Variants in ATRNL1 observed in about 807,000 individuals in gnomAD.
The protein encoded by ATRNL1 is attractin like 1.
Under a neutral mutation model 182.7 loss-of-function variants are expected in ATRNL1, and 95 were observed. That is an observed-to-expected ratio of 0.52 (90% CI 0.44 to 0.62). The LOEUF (loss-of-function observed/expected upper bound fraction) is 0.62, where lower values mean the gene tolerates loss of function less well. Among genes scored for constraint, ATRNL1 ranks in the 20% least tolerant of loss-of-function variants. The probability of loss-of-function intolerance (pLI) is 0.00; values close to 1 mark genes in which losing one functional copy is unlikely to be tolerated. For synonymous variants in ATRNL1, 576 were observed against 568.3 expected, an observed-to-expected ratio of 1.01 and a Z score of -0.19; for missense variants, 1,471 against 1,679.5, an observed-to-expected ratio of 0.88 and a Z score of 2.17.
chr10:115,933,649 C>T (rs1173037430), intron 28 of ATRNL1, among the ~76,000 whole-genome samples: 4 of 152,204 alleles, frequency 2.6e-5, no homozygotes, highest in African/African-American at 9.6e-5. Context: ...TCTCAAGAGA[C>T]ATGCTGAATT....
intron 19 of ATRNL1, among the ~76,000 whole-genome samples, chr10:115,373,724 A>G (rs1857513427): frequency 6.6e-6 from 1 of 151,870 alleles, no homozygotes; most frequent in Non-Finnish European, 1.5e-5. Context: ...ATCTTGATGA[A>G]TGATTTTTTT....
intron 24 of ATRNL1, among the ~76,000 whole-genome samples, chr10:115,483,582 T>C (rs1392588633): frequency 6.6e-6 from 1 of 151,600 alleles, no homozygotes; most frequent in Non-Finnish European, 1.5e-5. Flanking sequence ...CAGACCTAAT[T>C]TACAAATTGT....
intron 10 of ATRNL1, among the ~76,000 whole-genome samples, chr10:115,246,424 T>C (rs1850643378): frequency 6.6e-6 from 1 of 152,220 alleles, no homozygotes. Context: ...GATTTAATCA[T>C]ATTTCTGAGA....
At chr10:115,930,445 C>G (rs1477137997) in intron 28 of ATRNL1, among the ~76,000 whole-genome samples, 1 of 152,132 alleles carries the variant, frequency 6.6e-6, no homozygotes, top group Non-Finnish European at 1.5e-5. Context: ...CCATGAAGGG[C>G]ATCATAACTG....
intron 26 of ATRNL1, among the ~76,000 whole-genome samples, chr10:115,603,995 A>G (rs1555016799): frequency 6.6e-6 from 1 of 152,150 alleles, no homozygotes; most frequent in Non-Finnish European, 1.5e-5. Flanking sequence ...TTTCTCTTGA[A>G]AAATGTCTGC....
chr10:115,694,849 A>G (rs12264898), intron 26 of ATRNL1, among the ~76,000 whole-genome samples: 1,738 of 150,920 alleles, frequency 0.012, 33 homozygotes, highest in African/African-American at 0.04. Context: ...TAGAAATGCA[A>G]TTTCAAGTGA....
At chr10:115,396,060 T>C (rs1844274433) in intron 20 of ATRNL1, among the ~76,000 whole-genome samples, 1 of 151,906 alleles carries the variant, frequency 6.6e-6, no homozygotes, top group Non-Finnish European at 1.5e-5. Context: ...TATTTTTATT[T>C]AAAATAAATA....
At chr10:115,144,187 G>A (rs1031001261) in intron 5 of ATRNL1, among the ~76,000 whole-genome samples, 7 of 151,360 alleles carry the variant, frequency 4.6e-5, no homozygotes, top group Admixed American at 1.3e-4. Context: ...TCATGCTGTC[G>A]CCCAGGCTGG....
At chr10:115,620,022 G>A (rs1053736719) in intron 26 of ATRNL1, among the ~76,000 whole-genome samples, 3 of 152,130 alleles carry the variant, frequency 2.0e-5, no homozygotes, top group Non-Finnish European at 2.9e-5. Flanking sequence ...TCCATTTCAC[G>A]TTATAAAGGA....
chr10:115,553,500 T>A (rs943953284), intron 26 of ATRNL1, among the ~76,000 whole-genome samples: 1 of 151,434 alleles, frequency 6.6e-6, no homozygotes, highest in Non-Finnish European at 1.5e-5. Context: ...TCTCTTCTGC[T>A]TCAAAATGAA....
chr10:115,118,129 A>G (rs1554870519), intron 1 of ATRNL1, among the ~76,000 whole-genome samples: 1 of 152,088 alleles, frequency 6.6e-6, no homozygotes, highest in Non-Finnish European at 1.5e-5. Context: ...GATAGTTCGT[A>G]AATATTTTCT....
chr10:115,200,630 T>A (rs12776578), intron 8 of ATRNL1, among the ~76,000 whole-genome samples: 4 of 139,356 alleles, frequency 2.9e-5, no homozygotes, highest in African/African-American at 1.1e-4. Flanking sequence ...TCTATCATTG[T>A]TGGACATTTG....
chr10:115,132,143 A>G (rs11817192), intron 5 of ATRNL1, among the ~76,000 whole-genome samples: 1,960 of 143,460 alleles, frequency 0.014, 39 homozygotes, highest in African/African-American at 0.049. Flanking sequence ...AAGTGTTCTC[A>G]TTGTTCAATT....
chr10:115,778,578 G>A (rs994736999), intron 27 of ATRNL1, among the ~76,000 whole-genome samples: 4 of 152,140 alleles, frequency 2.6e-5, no homozygotes, highest in East Asian at 3.9e-4. Context: ...GCATGACATC[G>A]AATATGTGAT....
chr10:115,247,391 A>G (rs1850690835), intron 10 of ATRNL1, among the ~76,000 whole-genome samples: 1 of 152,234 alleles, frequency 6.6e-6, no homozygotes, highest in African/African-American at 2.4e-5. Context: ...TATTTCTCAA[A>G]AGAAGACATA....
At chr10:115,444,812 A>G (rs1592667725) in intron 21 of ATRNL1, among the ~76,000 whole-genome samples, 1 of 151,738 alleles carries the variant, frequency 6.6e-6, no homozygotes, top group Non-Finnish European at 1.5e-5. Flanking sequence ...GCTCATTGCA[A>G]CTTCCGCCTC....
At chr10:115,454,604 G>T (rs1412028008) in intron 21 of ATRNL1, among the ~76,000 whole-genome samples, 1 of 151,960 alleles carries the variant, frequency 6.6e-6, no homozygotes, top group African/African-American at 2.4e-5. Context: ...TAATGTTCAA[G>T]TCTTTATTCT....
chr10:115,348,593 A>G (rs1554940414), intron 19 of ATRNL1, among the ~76,000 whole-genome samples: 2 of 152,212 alleles, frequency 1.3e-5, no homozygotes, highest in African/African-American at 4.8e-5. Context: ...ATGGCTCAGT[A>G]CATTACACAT....
At chr10:115,865,742 C>T (rs781959276) in intron 28 of ATRNL1, among the ~76,000 whole-genome samples, 3 of 152,102 alleles carry the variant, frequency 2.0e-5, no homozygotes, top group South Asian at 2.1e-4. Flanking sequence ...GTCTGTGTGA[C>T]GCCGTATGCT....
Sources: allele counts gnomAD v4.1 joint callset (sites outside exome capture counted in the v4.1 genomes callset), GRCh38; gene constraint gnomAD v4.1.1; transcripts MANE v1.5; gene names NCBI Gene and HGNC (gene_info 2026-07-23, HGNC 2026-07-21).